The following COBLL1 variants were observed in gnomAD, a reference collection of about 807,000 sequenced individuals.
The protein encoded by COBLL1 is cordon-bleu WH2 repeat protein like 1.
COBLL1 carries 50 observed loss-of-function variants against 94.8 expected under a neutral mutation model. The ratio of observed to expected loss-of-function variants is 0.53; its 90% CI spans 0.42 to 0.67. COBLL1 has a LOEUF of 0.67. Ranked by LOEUF, COBLL1 falls within the 30% of genes least tolerant of loss-of-function variation. The probability of loss-of-function intolerance (pLI) is 0.00; values close to 1 mark genes in which losing one functional copy is unlikely to be tolerated. For missense variants in COBLL1, 1,362 were observed against 1,348.7 expected, an observed-to-expected ratio of 1.01 and a Z score of -0.15; for synonymous variants, 448 against 473.8, an observed-to-expected ratio of 0.95 and a Z score of 0.71.
Position 164,699,400 on chromosome 2 carries a change from C to T in COBLL1, c.1555+5G>A, listed in dbSNP as rs767713516. The stretch of plus-strand genomic sequence containing the variant: ...AAGTGTTGGCTATTAATTTATATAA[C>T]TCACCATTCTCTTGGTTTGGGCCCA... On this transcript the variant is annotated splice_donor_5th_base_variant and intron_variant, in intron 11 of 13. Transcript: ENST00000652658. The T allele has an allele frequency of 6.4e-7, 1 of 1,573,026 alleles. No homozygotes were observed. Among genetic ancestry groups the T allele is most frequent in the South Asian group, 1.1e-5 (1 of 90,254 alleles).
chr2:164,783,678 T>G (rs11691338), intron 2 of COBLL1, among the ~76,000 whole-genome samples: 30,102 of 151,864 alleles, frequency 0.2, 3,214 homozygotes, highest in East Asian at 0.44. Context: ...GTTAAAACCA[T>G]CACACTGGCC....
intron 2 of COBLL1, among the ~76,000 whole-genome samples, chr2:164,816,445 CT>C (rs1023673931): frequency 1.3e-5 from 2 of 152,024 alleles, no homozygotes; most frequent in Non-Finnish European, 2.9e-5. Flanking sequence ...ACAGCAAAGA[CT>C]TTTGGGAAGA....
intron 13 of COBLL1, chr2:164,687,898 T>C (rs191761156): frequency 4.2e-6 from 1 of 236,720 alleles, no homozygotes; most frequent in African/African-American, 2.2e-5. Flanking sequence ...AAATTTGTTT[T>C]AGGCATTTAG....
intron 2 of COBLL1, among the ~76,000 whole-genome samples, chr2:164,838,388 C>T (rs355799): frequency 0.15 from 22,409 of 152,114 alleles, 1,859 homozygotes; most frequent in East Asian, 0.34. Context: ...CCTGAATGGG[C>T]TAATTTATCA....
intron 2 of COBLL1, among the ~76,000 whole-genome samples, chr2:164,802,374 G>T (rs1683852218): frequency 6.6e-6 from 1 of 152,194 alleles, no homozygotes. Flanking sequence ...TATAATGTAG[G>T]CTAAGATTGA....
intron 2 of COBLL1, among the ~76,000 whole-genome samples, chr2:164,660,673 G>T (rs952595501): frequency 1.3e-5 from 2 of 152,118 alleles, no homozygotes; most frequent in Admixed American, 1.3e-4. Flanking sequence ...TTCCTAATTG[G>T]TTGTTGACTC....
intron 2 of COBLL1, among the ~76,000 whole-genome samples, chr2:164,796,806 C>A (rs1473000478): frequency 6.6e-6 from 1 of 150,610 alleles, no homozygotes; most frequent in Non-Finnish European, 1.5e-5. Flanking sequence ...AGACTCTCAT[C>A]TCTACAAAAT....
At position 164,753,258 on chromosome 2, in the gene COBLL1, G is replaced by T. The variant is rs7609505; in HGVS notation, c.42-9383C>A. 5.8e-3 allele frequency among the ~76,000 whole-genome samples: 880 copies of T among 152,194 alleles called. 9 individuals carry two copies. Among genetic ancestry groups the T allele is most frequent in the African/African-American group, 0.02 (830 of 41,540 alleles). On this transcript the variant is annotated intron_variant, in intron 2 of 13. Coordinates refer to ENST00000652658, the MANE Select transcript of COBLL1 (RefSeq NM_001365672.2). ...CAAAAGAAAATTTTGAAAAGCTCTT[G>T]TTTCAGTCTCCCACACTCAATTATT... is the stretch of plus-strand genomic sequence containing the variant.
chr2:164,744,249 C>T (rs1437209926), intron 2 of COBLL1, among the ~76,000 whole-genome samples: 1 of 151,950 alleles, frequency 6.6e-6, no homozygotes, highest in East Asian at 1.9e-4. Context: ...AGATCAGTAT[C>T]TCACTCTCAT....
chr2:164,700,527 A>C lies in COBLL1; in HGVS notation c.1455T>G (p.Asp485Glu). The change falls in exon 10 of 14, where the codon GAT becomes GAG. Residue 485 changes from aspartate (D) to glutamate (E), a missense_variant. Coordinates refer to ENST00000652658, the MANE Select transcript of COBLL1 (RefSeq NM_001365672.2). ...CCAGCACAGAGACTACTTACTGTCC[A>C]TCTGTGCTTTTAGTTTCTTGTTTTT... ...MEEKQETKSTDGQEPHSVVYD... is the reference protein window; with the variant it reads ...MEEKQETKSTEGQEPHSVVYD... 6.2e-7 allele frequency: 1 copy of C among 1,603,318 alleles called. No homozygotes were observed. Among genetic ancestry groups the C allele is most frequent in the Non-Finnish European group, 8.5e-7 (1 of 1,170,460 alleles).
chr2:164,777,223 T>A (rs1688505045), intron 2 of COBLL1, among the ~76,000 whole-genome samples: 1 of 152,066 alleles, frequency 6.6e-6, no homozygotes, highest in Non-Finnish European at 1.5e-5. Flanking sequence ...CAGTTCTGTA[T>A]CTGGCATATA....
At chr2:164,674,876 G>A (rs1691311014) in intron 1 of COBLL1, among the ~76,000 whole-genome samples, 1 of 152,212 alleles carries the variant, frequency 6.6e-6, no homozygotes, top group African/African-American at 2.4e-5. Flanking sequence ...TGGTAACTGA[G>A]ATTTGAAATC....
intron 3 of COBLL1, among the ~76,000 whole-genome samples, chr2:164,736,447 T>G (rs1276799165): frequency 1.3e-5 from 2 of 152,166 alleles, no homozygotes; most frequent in Non-Finnish European, 2.9e-5. Context: ...AGATAAATAG[T>G]AATAGGTCAG....
intron 5 of COBLL1, among the ~76,000 whole-genome samples, chr2:164,725,334 G>T (rs1171154838): frequency 6.6e-6 from 1 of 151,976 alleles, no homozygotes; most frequent in Non-Finnish European, 1.5e-5. Context: ...TATCGCATAT[G>T]GATACACAAT....
intron 1 of COBLL1, among the ~76,000 whole-genome samples, chr2:164,674,089 G>A (rs1050283413): frequency 6.6e-6 from 1 of 152,104 alleles, no homozygotes; most frequent in Admixed American, 6.5e-5. Context: ...TCAGACAGAG[G>A]CTTGTTCTGT....
rs1365005803 is a variant in COBLL1, at chr2:164,681,761, T to C, written c.*4185A>G. 2 of 152,184 alleles carry C rather than the reference T, an allele frequency of 1.3e-5. No individual in the cohort carries two copies. Among genetic ancestry groups the C allele is most frequent in the African/African-American group, 2.4e-5 (1 of 41,442 alleles). The allele number at this position is 152,184 out of a possible 1,614,324, so 9.4% of individuals were successfully genotyped here. A position where few individuals can be genotyped will look rare whatever the true frequency, so the allele number is the denominator to read the frequency against. On this transcript the variant is annotated 3_prime_UTR_variant, in exon 14 of 14. Coordinates refer to ENST00000652658, the MANE Select transcript of COBLL1 (RefSeq NM_001365672.2). ...TTTTTTTCTTCTCCAAGAAAAGTAA[T>C]TAGCAAGACTTACAAATGATTTTTT... is the stretch of plus-strand genomic sequence containing the variant.
intron 2 of COBLL1, among the ~76,000 whole-genome samples, chr2:164,829,040 T>G (rs932395422): frequency 2.6e-5 from 4 of 152,224 alleles, no homozygotes; most frequent in Non-Finnish European, 5.9e-5. Flanking sequence ...TTTTGCTTTT[T>G]GTGACATTTG....
intron 7 of COBLL1, among the ~76,000 whole-genome samples, chr2:164,707,253 G>A (rs950226812): frequency 6.6e-6 from 1 of 152,008 alleles, no homozygotes; most frequent in African/African-American, 2.4e-5. Flanking sequence ...TGATTCTCAT[G>A]CCTCAGCCTC....
At chr2:164,784,142 T>C (rs1038005264) in intron 2 of COBLL1, among the ~76,000 whole-genome samples, 1 of 152,190 alleles carries the variant, frequency 6.6e-6, no homozygotes, top group African/African-American at 2.4e-5. Context: ...TCTCGTCTCA[T>C]GGTAGATTCT....
Sources: gnomAD v4.1 joint callset for allele counts (sites outside exome capture counted in the v4.1 genomes callset) on GRCh38, gnomAD v4.1.1 for gene constraint, MANE v1.5 for transcripts, NCBI Gene and HGNC (gene_info 2026-07-23, HGNC 2026-07-21) for gene names.